The following ASPRV1 variants were observed in gnomAD, a reference collection of about 807,000 sequenced individuals.
ASPRV1 encodes aspartic peptidase retroviral like 1.
In ASPRV1, 7 loss-of-function variants were observed where a neutral mutation model predicts 11.0. The ratio of observed to expected loss-of-function variants is 0.64; its 90% CI spans 0.36 to 1.20. The LOEUF is 1.20. ASPRV1 is among the 50% of genes most tolerant of loss of function. ASPRV1 has a pLI of 0.02. For missense variants in ASPRV1, 299 were observed against 320.0 expected (o/e 0.93, Z 0.50); for synonymous variants, 136 against 138.4 (o/e 0.98, Z 0.12).
At chr2:69,934,931 A>T in the ASPRV1 span, among the ~76,000 whole-genome samples, 1 of 152,186 alleles carries the variant, frequency 6.6e-6, no homozygotes, top group Non-Finnish European at 1.5e-5. Context: ...TTGACTTATG[A>T]TGGGGTTATG....
At chr2:70,009,082 G>T in the ASPRV1 span, among the ~76,000 whole-genome samples, 1 of 152,002 alleles carries the variant, frequency 6.6e-6, no homozygotes, top group Non-Finnish European at 1.5e-5. Context: ...ATTCAGGAGA[G>T]AAAAAAATTA....
At chr2:70,033,091 C>A in the ASPRV1 span, among the ~76,000 whole-genome samples, 16 of 152,232 alleles carry the variant, frequency 1.1e-4, no homozygotes, top group African/African-American at 3.6e-4. Flanking sequence ...GTCCAAAGGC[C>A]TTCCCAGAAT....
At chr2:69,937,208 C>CGAT in the ASPRV1 span, 1 of 1,610,562 alleles carries the variant, frequency 6.2e-7, no homozygotes, top group Non-Finnish European at 8.5e-7. Flanking sequence ...CCCTGTGGGG[C>CGAT]CCAACAACTA....
At chr2:69,961,670 T>C (rs1678121188), upstream of ASPRV1, 1 of 1,552,608 alleles carries the variant, frequency 6.4e-7, no homozygotes, top group Non-Finnish European at 8.7e-7. Flanking sequence ...ATGCCTAGGC[T>C]GGCCCCTGGG....
upstream of ASPRV1, chr2:69,961,750 A>C: frequency 6.7e-7 from 1 of 1,495,070 alleles, no homozygotes; most frequent in South Asian, 1.3e-5. Context: ...ATCCGGCCGG[A>C]CTAGCAGGAT....
chr2:70,003,038 G>A, the ASPRV1 span: 2 of 152,230 alleles, frequency 1.3e-5, no homozygotes, highest in African/African-American at 4.8e-5. Flanking sequence ...TCTGCAATCA[G>A]CACTCACTTC....
At chr2:70,043,132 T>A in the ASPRV1 span, among the ~76,000 whole-genome samples, 1 of 152,102 alleles carries the variant, frequency 6.6e-6, no homozygotes, top group Non-Finnish European at 1.5e-5. Context: ...AGGAAGGGTC[T>A]CTCTTTGGAA....
At chr2:70,038,946 G>A in the ASPRV1 span, among the ~76,000 whole-genome samples, 1 of 152,094 alleles carries the variant, frequency 6.6e-6, no homozygotes, top group Non-Finnish European at 1.5e-5. Flanking sequence ...AGGCATAGTG[G>A]CACATGCCTG....
chr2:69,956,190 G>A (rs915946167), downstream of ASPRV1, among the ~76,000 whole-genome samples: 3 of 152,156 alleles, frequency 2.0e-5, no homozygotes, highest in African/African-American at 7.2e-5. Flanking sequence ...AATAATGATT[G>A]TAAATGAGTA....
At chr2:70,068,986 T>G in the ASPRV1 span, 1 of 147,966 alleles carries the variant, frequency 6.8e-6, no homozygotes, top group African/African-American at 2.5e-5. Flanking sequence ...CCTTCGTCAG[T>G]AAACCAAAGG....
At chr2:69,949,782 TG>T in the ASPRV1 span, among the ~76,000 whole-genome samples, 1 of 152,208 alleles carries the variant, frequency 6.6e-6, no homozygotes, top group African/African-American at 2.4e-5. Flanking sequence ...TCATTTTTAA[TG>T]TTTTTTATCA....
chr2:69,945,261 A>C, the ASPRV1 span, among the ~76,000 whole-genome samples: 1 of 152,236 alleles, frequency 6.6e-6, no homozygotes, highest in Non-Finnish European at 1.5e-5. Flanking sequence ...CTAGAAAAAC[A>C]AACCCTCGTA....
the ASPRV1 span, among the ~76,000 whole-genome samples, chr2:69,986,692 G>A: frequency 6.6e-6 from 1 of 152,212 alleles, no homozygotes; most frequent in Non-Finnish European, 1.5e-5. Context: ...AGAGAACCAT[G>A]AGACCCCTTT....
At chr2:70,048,493 A>G in the ASPRV1 span, among the ~76,000 whole-genome samples, 1 of 152,088 alleles carries the variant, frequency 6.6e-6, no homozygotes, top group South Asian at 2.1e-4. Context: ...GGTGATGGCC[A>G]TGGTAAAGGT....
chr2:70,044,759 G>A, the ASPRV1 span, among the ~76,000 whole-genome samples: 1 of 152,178 alleles, frequency 6.6e-6, no homozygotes, highest in African/African-American at 2.4e-5. Flanking sequence ...ACGCCTGGCT[G>A]AGACACCTCT....
the ASPRV1 span, among the ~76,000 whole-genome samples, chr2:69,945,665 G>A: frequency 6.6e-6 from 1 of 152,224 alleles, no homozygotes; most frequent in Admixed American, 6.5e-5. Flanking sequence ...TGTGGGTGAA[G>A]GCAGCGTGTC....
chr2:70,062,293 G>A, the ASPRV1 span, among the ~76,000 whole-genome samples: 1 of 151,866 alleles, frequency 6.6e-6, no homozygotes, highest in Non-Finnish European at 1.5e-5. Context: ...CAACAAGAGC[G>A]AAACTCCATC....
chr2:70,082,750 C>T, the ASPRV1 span, among the ~76,000 whole-genome samples: 2 of 151,910 alleles, frequency 1.3e-5, no homozygotes, highest in African/African-American at 2.4e-5. Flanking sequence ...AAAAATCAGC[C>T]GGCATGGTGG....
the ASPRV1 span, among the ~76,000 whole-genome samples, chr2:69,954,312 C>T: frequency 6.6e-6 from 1 of 152,158 alleles, no homozygotes; most frequent in Non-Finnish European, 1.5e-5. Context: ...CAGCACTGCC[C>T]ACTAGGCAGC....
Sources: allele counts gnomAD v4.1 joint callset (sites outside exome capture counted in the v4.1 genomes callset), GRCh38; gene constraint gnomAD v4.1.1; transcripts MANE v1.5; gene names NCBI Gene and HGNC (gene_info 2026-07-23, HGNC 2026-07-21).